The following SMYD4 variants were observed in gnomAD, a reference collection of about 807,000 sequenced individuals.
SMYD4 encodes the protein protein-lysine N-methyltransferase SMYD4.
Under a neutral mutation model 72.8 loss-of-function variants are expected in SMYD4, and 68 were observed. The ratio of observed to expected loss-of-function variants is 0.93; its 90% CI spans 0.77 to 1.14. SMYD4 has a LOEUF of 1.14. Ranked by LOEUF, SMYD4 falls within the 50% of genes most tolerant of loss-of-function variation. The pLI is 0.00. For synonymous variants in SMYD4, 407 were observed against 388.6 expected (o/e 1.05, Z -0.56); for missense variants, 984 against 1,003.7 (o/e 0.98, Z 0.27).
In SMYD4 at chr17:1,799,976, A is replaced by G; in HGVS notation, c.1418T>C (p.Leu473Pro). The change falls in exon 5 of 11, where the codon CTT (leucine) becomes CCT (proline). Residue 473 changes from leucine (L) to proline (P), a missense_variant. Physicochemically the swap from Leu to Pro is moderately conservative, Grantham distance 98. Coordinates refer to ENST00000305513, the MANE Select transcript of SMYD4 (RefSeq NM_052928.3). ...PTERIVNSSQ[L>P]KAAVTPELCP... ...CAATTCAGGTGTCACTGCTGCTTTA[A>G]GCTGAGAGGAGTTCACAATCCTCTC... 1 of 1,614,110 alleles carries G rather than the reference A, an allele frequency of 6.2e-7. No individual in the cohort carries two copies. Among genetic ancestry groups the G allele is most frequent in the Non-Finnish European group, 8.5e-7 (1 of 1,180,020 alleles).
At chr17:1,781,526 T>A in intron 10 of SMYD4, 87 bp from the exon 11 acceptor site, 1 of 1,440,472 alleles carries the variant, frequency 6.9e-7, no homozygotes, top group Non-Finnish European at 9.4e-7. Context: ...GTGAAGAATG[T>A]AAGATCATTT....
rs541933966 is a variant in SMYD4 at position 1,804,622 on chromosome 17, T to G, written c.369+4A>C. The G allele has an allele frequency of 1.2e-6, 2 of 1,613,180 alleles. No individual in the cohort carries two copies. The highest frequency in any genetic ancestry group is 2.2e-5 in the South Asian group (2 of 91,022). On this transcript the variant is annotated splice_donor_region_variant and intron_variant, in intron 4 of 10. Transcript: ENST00000305513. ...CCTCTCATACCAGGTATCCTGATAC[T>G]CACCTCATACTGACCCAGGTGGAAG...
chr17:1,806,913 C>CA (rs1184000746), intron 3 of SMYD4, among the ~76,000 whole-genome samples: 7 of 151,720 alleles, frequency 4.6e-5, no homozygotes, highest in Non-Finnish European at 7.4e-5. Context: ...TTTTTTTAGA[C>CA]AGAGTCTCTC....
At chr17:1,790,182 C>T (rs1041378826) in intron 5 of SMYD4, among the ~76,000 whole-genome samples, 5 of 152,244 alleles carry the variant, frequency 3.3e-5, no homozygotes, top group East Asian at 1.9e-4. Flanking sequence ...AGAACCATTG[C>T]TAAAATTTTC....
intron 5 of SMYD4, among the ~76,000 whole-genome samples, chr17:1,792,124 G>A (rs541425933): frequency 2.0e-5 from 3 of 151,836 alleles, no homozygotes; most frequent in South Asian, 2.1e-4. Flanking sequence ...CTCAGTGCAA[G>A]CTCCGCCTCC....
intron 5 of SMYD4, among the ~76,000 whole-genome samples, chr17:1,797,955 T>C (rs907726489): frequency 1.1e-4 from 16 of 151,756 alleles, no homozygotes; most frequent in Admixed American, 4.6e-4. Flanking sequence ...TGAGCCGAGA[T>C]TGTGCCACCG....
At chr17:1,793,326 A>T (rs1909162507) in intron 5 of SMYD4, among the ~76,000 whole-genome samples, 1 of 150,558 alleles carries the variant, frequency 6.6e-6, no homozygotes, top group African/African-American at 2.4e-5. Context: ...TTTTGGGGGG[A>T]TTGTTAAAAC....
chr17:1,817,797 C>A (rs1165449496), intron 2 of SMYD4, among the ~76,000 whole-genome samples: 1 of 151,994 alleles, frequency 6.6e-6, no homozygotes, highest in African/African-American at 2.4e-5. Context: ...GATCACGCCC[C>A]AGAACTTTGG....
chr17:1,815,223 C>G (rs111255582), intron 2 of SMYD4, among the ~76,000 whole-genome samples: 7,475 of 151,986 alleles, frequency 0.049, 643 homozygotes, highest in African/African-American at 0.17. Context: ...GCCACCACAC[C>G]CAGCTAATTT....
intron 5 of SMYD4, among the ~76,000 whole-genome samples, chr17:1,798,725 C>A (rs1473299775): frequency 6.6e-6 from 1 of 151,960 alleles, no homozygotes; most frequent in East Asian, 1.9e-4. Flanking sequence ...TGGCAAAACC[C>A]CGTCTCTACT....
intron 2 of SMYD4, among the ~76,000 whole-genome samples, chr17:1,817,191 C>A (rs1056668716): frequency 2.0e-5 from 3 of 152,102 alleles, no homozygotes; most frequent in African/African-American, 7.2e-5. Context: ...GCACGCACCA[C>A]CACGCCTGGC....
chr17:1,799,781 T>C, intron 5 of SMYD4, 76 bp downstream of exon 5: 3 of 1,380,080 alleles, frequency 2.2e-6, no homozygotes, highest in Non-Finnish European at 2.9e-6. Flanking sequence ...CTATTTTCCT[T>C]TGGAATTGTT....
intron 5 of SMYD4, among the ~76,000 whole-genome samples, chr17:1,790,848 C>T (rs7217857): frequency 0.29 from 43,982 of 149,914 alleles, 7,006 homozygotes; most frequent in African/African-American, 0.42. Context: ...AGATTCATGC[C>T]GGGCGCGGTG....
intron 5 of SMYD4, 122 bp from the exon 6 acceptor site, chr17:1,787,726 A>G: frequency 1.0e-6 from 1 of 984,610 alleles, no homozygotes; most frequent in Admixed American, 2.9e-5. Context: ...ATGGCTCCAC[A>G]GCCAGATCCA....
rs1344458112 is a variant in SMYD4, at chr17:1,783,121, A to G, written c.2175T>C (p.Ser725=). Residue 725 remains serine, a synonymous_variant, in exon 10 of 11, where the codon AGT becomes AGC. Transcript: ENST00000305513. ...CGTGGCGAACCTCCACCACGTAGAG[A>G]CTCCTCTGTAGATGGGTGGCTGACT... The part of the protein sequence containing the change: ...WQKSATHLQR[S]LYVVEVRHGP... 1 of 1,613,902 alleles carries G rather than the reference A, an allele frequency of 6.2e-7. No homozygotes were observed. The highest frequency in any genetic ancestry group is 8.5e-7 in the Non-Finnish European group (1 of 1,180,002).
At chr17:1,795,261 C>G (rs974932172) in intron 5 of SMYD4, among the ~76,000 whole-genome samples, 2 of 152,036 alleles carry the variant, frequency 1.3e-5, no homozygotes, top group African/African-American at 4.8e-5. Flanking sequence ...CCTGCCTCAG[C>G]CTTCTGTCTG....
At chr17:1,795,814 T>C (rs1909379706) in intron 5 of SMYD4, among the ~76,000 whole-genome samples, 1 of 150,296 alleles carries the variant, frequency 6.7e-6, no homozygotes, top group Non-Finnish European at 1.5e-5. Context: ...CATTTTAAAA[T>C]TTAATAGTAT....
intron 10 of SMYD4, 40 bp from the exon 11 acceptor site, chr17:1,781,479 G>A (rs535633816): frequency 4.4e-5 from 71 of 1,596,470 alleles, no homozygotes; most frequent in Non-Finnish European, 5.1e-5. Flanking sequence ...TCACTGATTT[G>A]TGAGGCAAAT....
At chr17:1,822,446 C>G (rs528954450) in intron 2 of SMYD4, among the ~76,000 whole-genome samples, 2 of 152,258 alleles carry the variant, frequency 1.3e-5, no homozygotes, top group South Asian at 4.1e-4. Flanking sequence ...ACTAAGGCAT[C>G]TGGTCTACAT....
Sources: allele counts gnomAD v4.1 joint callset (sites outside exome capture counted in the v4.1 genomes callset), GRCh38; gene constraint gnomAD v4.1.1; transcripts MANE v1.5; gene names NCBI Gene and HGNC (gene_info 2026-07-23, HGNC 2026-07-21).